CFAP99: variants seen among roughly 807,000 people sequenced by gnomAD.
The protein encoded by CFAP99 is cilia- and flagella-associated protein 99.
A neutral mutation model predicts 82.7 loss-of-function variants in CFAP99; 84 were observed. The ratio of observed to expected loss-of-function variants is 1.02; its 90% confidence interval spans 0.85 to 1.22. The LOEUF (loss-of-function observed/expected upper bound fraction) is 1.22, where lower values mean the gene tolerates loss of function less well. Ranked by LOEUF, CFAP99 falls within the 50% of genes most tolerant of loss-of-function variation. The probability of loss-of-function intolerance (pLI) is 0.00; values close to 1 mark genes in which losing one functional copy is unlikely to be tolerated. For synonymous variants in CFAP99, 456 were observed against 429.5 expected, an observed-to-expected ratio of 1.06 and a Z score of -0.76; for missense variants, 1,059 against 983.5, an observed-to-expected ratio of 1.08 and a Z score of -1.03.
In CFAP99 at chr4:2,433,374, G is replaced by A. The variant is rs527835294; in HGVS notation, c.112-3500G>A. ...CACGCTGACTCACTGCTCTCGGAAG[G>A]GTCTGTCCTGGCTCCTGGGCTCCTC... On this transcript the variant is annotated intron_variant, in intron 2 of 14. Coordinates refer to ENST00000635017, the Ensembl canonical transcript of CFAP99. Among the ~76,000 whole-genome samples, 6 of 152,122 alleles carry A rather than the reference G, an allele frequency of 3.9e-5. No homozygotes were observed. The South Asian group carries it at 8.3e-4, about 21-fold the overall frequency.
chr4:2,462,436 C>G lies in CFAP99; in HGVS notation c.1662-7C>G. ...CCTGCTCCTGAGCCCGCCGCGTCGC[C>G]CGCCAGGTGGGAGGAAAAGAAGGCC... On this transcript the variant is annotated splice_polypyrimidine_tract_variant and splice_region_variant and intron_variant, in intron 14 of 14. Transcript: ENST00000635017. This position sits in a 1 kb window ranked among gnomAD's most constrained non-coding sequence, Gnocchi z 4.1. The G allele has an allele frequency of 1.4e-6, 2 of 1,429,572 alleles. No homozygotes were observed. Among genetic ancestry groups the G allele is most frequent in the Non-Finnish European group, 1.8e-6 (2 of 1,104,720 alleles). 88.6% of individuals were successfully genotyped at this position (1,429,572 alleles called of 1,614,324 possible).
chr4:2,438,259 T>C, intron 4 of CFAP99, 95 bp downstream of exon 4: 1 of 678,934 alleles, frequency 1.5e-6, no homozygotes, highest in Admixed American at 2.2e-5. Context: ...TGGGTTGTTT[T>C]GTTTGTTTGT....
intron 1 of CFAP99, among the ~76,000 whole-genome samples, chr4:2,420,041 C>G (rs1353693254): frequency 1.3e-5 from 2 of 151,884 alleles, no homozygotes; most frequent in East Asian, 3.9e-4. Context: ...ACCACGTGAC[C>G]CAGCCGACTG....
At chr4:2,419,772 T>C (rs2108703832) in intron 1 of CFAP99, among the ~76,000 whole-genome samples, 1 of 151,892 alleles carries the variant, frequency 6.6e-6, no homozygotes, top group African/African-American at 2.4e-5. Flanking sequence ...GGGGGTAGGG[T>C]CCATGTTTAT....
chr4:2,448,096 G>C lies in CFAP99; in HGVS notation c.643-1574G>C, dbSNP rs1018601708. On this transcript the variant is annotated intron_variant, in intron 6 of 14. Transcript: ENST00000635017. The surrounding 1 kb of genome is among the most constrained non-coding windows in gnomAD (Gnocchi z 5.2). Reference sequence around the variant, plus strand: ...AAATGGATGGATGGGTGGGTGAGTGGGTGGATGATCAGATGGATGGATGAT... The same window carrying C: ...AAATGGATGGATGGGTGGGTGAGTGCGTGGATGATCAGATGGATGGATGAT... 2.0e-5 allele frequency among the ~76,000 whole-genome samples: 3 copies of C among 152,034 alleles called. No individual in the cohort carries two copies. The highest frequency in any genetic ancestry group is 2.0e-4 in the Admixed American group (3 of 15,268).
At chr4:2,432,821 T>C (rs1203770) in intron 2 of CFAP99, among the ~76,000 whole-genome samples, 108,803 of 152,240 alleles carry the variant, frequency 0.71, 39,544 homozygotes, top group East Asian at 0.99. Flanking sequence ...CCGGTCTCAG[T>C]GACTGAGGCT....
At position 2,452,116 on chromosome 4, in the gene CFAP99, C is replaced by A. The variant is rs1212817446; in HGVS notation, c.957-26C>A. ...CCTCTGTCACGGGAGAAACCCCAAG[C>A]TGTGCTTCTGTCCCTCTTTGCCCAG... On this transcript the variant is annotated intron_variant, in intron 10 of 14. Coordinates refer to ENST00000635017, the Ensembl canonical transcript of CFAP99. 14 of 1,533,924 alleles carry A rather than the reference C, an allele frequency of 9.1e-6. No homozygotes were observed. The Admixed American group carries it at 1.2e-4, about 13-fold the overall frequency.
intron 1 of CFAP99, among the ~76,000 whole-genome samples, chr4:2,424,095 A>C (rs545801915): frequency 1.3e-5 from 2 of 152,312 alleles, no homozygotes; most frequent in South Asian, 4.1e-4. Context: ...CTCTGTGTCC[A>C]TGCACAGCCA....
At chr4:2,455,936 G>A (rs1269766506) in intron 11 of CFAP99, among the ~76,000 whole-genome samples, 1 of 152,054 alleles carries the variant, frequency 6.6e-6, no homozygotes, top group Non-Finnish European at 1.5e-5. Context: ...TTTTGTTTCT[G>A]CTTGAGGTCC....
In CFAP99 at chr4:2,462,426, G is replaced by A. The variant is rs1734641707; in HGVS notation, c.1662-17G>A. The A allele has an allele frequency of 2.8e-6, 4 of 1,416,180 alleles. No homozygotes were observed. In the African/African-American group the frequency reaches 4.5e-5, roughly 16 times the overall value. The allele number at this position is 1,416,180 out of a possible 1,614,324, so 87.7% of individuals were successfully genotyped here. ...CTCCCGCCGGCCTGCTCCTGAGCCCGCCGCGTCGCCCGCCAGGTGGGAGGA... is the reference window on the plus strand; with the variant it reads ...CTCCCGCCGGCCTGCTCCTGAGCCCACCGCGTCGCCCGCCAGGTGGGAGGA... On this transcript the variant is annotated splice_polypyrimidine_tract_variant and intron_variant, in intron 14 of 14. Coordinates refer to ENST00000635017, the Ensembl canonical transcript of CFAP99. This position sits in a 1 kb window ranked among gnomAD's most constrained non-coding sequence, Gnocchi z 4.1.
intron 8 of CFAP99, 146 bp downstream of exon 8, chr4:2,450,151 G>T (rs1734269693): frequency 3.7e-6 from 3 of 816,968 alleles, no homozygotes; most frequent in Non-Finnish European, 3.9e-6. Context: ...GTAGCACTGG[G>T]AAAGTGTGCC....
intron 11 of CFAP99, among the ~76,000 whole-genome samples, chr4:2,458,402 C>T (rs1734485710): frequency 6.6e-6 from 1 of 152,162 alleles, no homozygotes; most frequent in Non-Finnish European, 1.5e-5. Flanking sequence ...CCACTGTGAA[C>T]AGCCTACGTT....
In CFAP99 at chr4:2,446,343, CTTT is replaced by C. The variant is rs1255337172; in HGVS notation, c.642+1038_642+1040del. 4.0e-5 allele frequency among the ~76,000 whole-genome samples: 6 copies of C among 151,772 alleles called. No individual in the cohort carries two copies. The highest frequency in any genetic ancestry group is 8.8e-5 in the Non-Finnish European group (6 of 67,992). On this transcript the variant is annotated intron_variant, in intron 6 of 14. Transcript: ENST00000635017. This position sits in a 1 kb window ranked among gnomAD's most constrained non-coding sequence, Gnocchi z 5.0. ...ATCCATCTTATTTGTCCCATATTCT[CTTT>C]TTATTTCATTTTATTATTGTTGTTA...
At chr4:2,436,448 C>G (rs551219651) in intron 2 of CFAP99, among the ~76,000 whole-genome samples, 5 of 152,312 alleles carry the variant, frequency 3.3e-5, no homozygotes, top group African/African-American at 1.2e-4. Flanking sequence ...GGCACATTCC[C>G]GCTGTTGTGC....
chr4:2,421,459 A>G (rs1254102264), intron 1 of CFAP99, among the ~76,000 whole-genome samples: 1 of 148,840 alleles, frequency 6.7e-6, no homozygotes, highest in East Asian at 2.0e-4. Flanking sequence ...GGTTCAAGCA[A>G]TTCTCTGCCT....
At chr4:2,459,288 C>A in intron 13 of CFAP99, 30 bp downstream of exon 13, 1 of 1,492,892 alleles carries the variant, frequency 6.7e-7, no homozygotes, top group Non-Finnish European at 8.9e-7. Context: ...CGGGCCCATG[C>A]CTCAGGGGCC....
intron 11 of CFAP99, among the ~76,000 whole-genome samples, chr4:2,453,531 T>A (rs1019237968): frequency 1.3e-5 from 2 of 152,138 alleles, no homozygotes; most frequent in Non-Finnish European, 1.5e-5. Flanking sequence ...CGCCACAGAG[T>A]GTACCAGGCT....
rs924391687 is a variant in CFAP99 at position 2,462,799 on chromosome 4, C to T, written c.2018C>T (p.Pro673Leu). The change falls in exon 15 of 15, where the codon CCC (proline) becomes CTC (leucine). Residue 673 changes from proline (P) to leucine (L), a missense_variant. Physicochemically the swap from Pro to Leu is moderately conservative, Grantham distance 98. Transcript: ENST00000635017. The surrounding 1 kb of genome is among the most constrained non-coding windows in gnomAD (Gnocchi z 4.1). ...GTCCCTGCCCGCGCCGACGCGTTCC[C>T]CGGCCTGCAGGCGCAGCTAGAGGCG... 8 of 1,303,560 alleles carry T rather than the reference C, an allele frequency of 6.1e-6. No homozygotes were observed. The African/African-American group carries it at 9.3e-5, about 15-fold the overall frequency. 80.7% of individuals were successfully genotyped at this position (1,303,560 alleles called of 1,614,324 possible).
chr4:2,452,034 A>C, intron 10 of CFAP99, 108 bp from the exon 11 acceptor site: 1 of 1,123,576 alleles, frequency 8.9e-7, no homozygotes, highest in South Asian at 1.4e-5. Flanking sequence ...TGTCAGGAGT[A>C]GCAGCCCACG....
Sources: gnomAD v4.1 joint callset for allele counts (sites outside exome capture counted in the v4.1 genomes callset) on GRCh38, gnomAD v4.1.1 for gene constraint, Gnocchi (gnomAD v3.1) non-coding constraint, MANE v1.5 for transcripts, NCBI Gene and HGNC (gene_info 2026-07-23, HGNC 2026-07-21) for gene names.